The following SDHAF4 variants were observed in gnomAD, a reference collection of about 807,000 sequenced individuals.
The protein encoded by SDHAF4 is succinate dehydrogenase assembly factor 4, mitochondrial.
In SDHAF4, 14 loss-of-function variants were observed where a neutral mutation model predicts 14.3. The ratio of observed to expected loss-of-function variants is 0.98; its 90% CI spans 0.65 to 1.53. The LOEUF (loss-of-function observed/expected upper bound fraction) is 1.53. SDHAF4 is among the 40% of genes most tolerant of loss of function. The pLI, the probability that SDHAF4 is intolerant of heterozygous loss-of-function variation, is 0.00. For synonymous variants in SDHAF4, 63 were observed against 47.3 expected, an observed-to-expected ratio of 1.33 and a Z score of -1.36; for missense variants, 141 against 129.3, an observed-to-expected ratio of 1.09 and a Z score of -0.44.
At chr6:70,589,741 A>G (rs544312081), downstream of SDHAF4, among the ~76,000 whole-genome samples, 1 of 152,118 alleles carries the variant, frequency 6.6e-6, no homozygotes, top group Admixed American at 6.5e-5. Flanking sequence ...CTTACTACCT[A>G]TGTGACCTTG....
intron 2 of SDHAF4, among the ~76,000 whole-genome samples, chr6:70,582,515 A>G (rs956314270): frequency 2.3e-4 from 35 of 152,138 alleles, no homozygotes; most frequent in African/African-American, 8.4e-4. Context: ...TAATATTTCT[A>G]AAACTAAAGT....
At chr6:70,591,446 C>T (rs1190038273), downstream of SDHAF4, among the ~76,000 whole-genome samples, 1 of 149,976 alleles carries the variant, frequency 6.7e-6, no homozygotes, top group Admixed American at 6.7e-5. Context: ...ATTCTCCTGC[C>T]TCACCCTCCC....
At chr6:70,571,369 G>A (rs1423156851) in intron 1 of SDHAF4, among the ~76,000 whole-genome samples, 2 of 152,086 alleles carry the variant, frequency 1.3e-5, no homozygotes, top group Non-Finnish European at 2.9e-5. Flanking sequence ...AAATTGGCCT[G>A]TAATTTTCTT....
At chr6:70,594,033 A>C (rs1238319277), downstream of SDHAF4, among the ~76,000 whole-genome samples, 1 of 151,864 alleles carries the variant, frequency 6.6e-6, no homozygotes, top group African/African-American at 2.4e-5. Flanking sequence ...TGGGTTTCTG[A>C]CTTGTTAGGG....
intron 2 of SDHAF4, among the ~76,000 whole-genome samples, chr6:70,588,086 T>C (rs1325389982): frequency 2.0e-5 from 3 of 152,246 alleles, no homozygotes; most frequent in African/African-American, 7.2e-5. Context: ...GTAATCTTAT[T>C]TCAAGACCTT....
At chr6:70,580,904 G>A (rs1157381744) in intron 2 of SDHAF4, among the ~76,000 whole-genome samples, 1 of 152,046 alleles carries the variant, frequency 6.6e-6, no homozygotes, top group African/African-American at 2.4e-5. Flanking sequence ...TAGTGGTGAT[G>A]GTTGTACAAC....
At chr6:70,575,289 A>T (rs558796594) in intron 1 of SDHAF4, among the ~76,000 whole-genome samples, 2 of 152,216 alleles carry the variant, frequency 1.3e-5, no homozygotes, top group South Asian at 4.1e-4. Flanking sequence ...GAGGCACAAG[A>T]ATCACTTGAA....
At chr6:70,593,688 T>TGTG (rs202042891), downstream of SDHAF4, among the ~76,000 whole-genome samples, 61 of 151,664 alleles carry the variant, frequency 4.0e-4, no homozygotes, top group South Asian at 3.5e-3. Flanking sequence ...TCAAGGGTTT[T>TGTG]TTTTTGTGTG....
intron 2 of SDHAF4, 65 bp downstream of exon 2, chr6:70,579,631 A>G (rs1175909579): frequency 7.4e-7 from 1 of 1,355,602 alleles, no homozygotes; most frequent in Non-Finnish European, 9.8e-7. Context: ...TTATTGAGAA[A>G]ATGAGTGAAA....
intron 2 of SDHAF4, among the ~76,000 whole-genome samples, chr6:70,580,515 G>T (rs138608871): frequency 9.4e-4 from 143 of 152,290 alleles, no homozygotes; most frequent in African/African-American, 2.9e-3. Flanking sequence ...GACTTGAACA[G>T]ATATCTCTGT....
chr6:70,570,542 T>C (rs1297792741), intron 1 of SDHAF4, among the ~76,000 whole-genome samples: 1 of 152,106 alleles, frequency 6.6e-6, no homozygotes, highest in East Asian at 1.9e-4. Flanking sequence ...AAGTGATCCT[T>C]GAGAGCCTCG....
chr6:70,593,779 G>GC (rs34677975), downstream of SDHAF4, among the ~76,000 whole-genome samples: 61,868 of 151,748 alleles, frequency 0.41, 13,241 homozygotes, highest in African/African-American at 0.52. Context: ...TGCAACCTCT[G>GC]CTCCTGGGTT....
At chr6:70,590,206 C>G (rs1765246101), downstream of SDHAF4, among the ~76,000 whole-genome samples, 1 of 151,282 alleles carries the variant, frequency 6.6e-6, no homozygotes, top group African/African-American at 2.4e-5. Context: ...CCACTGCACT[C>G]CAGCCTGGGT....
intron 1 of SDHAF4, among the ~76,000 whole-genome samples, chr6:70,576,217 T>C (rs1310726616): frequency 6.6e-6 from 1 of 152,246 alleles, no homozygotes; most frequent in East Asian, 1.9e-4. Context: ...TACCTTGTAC[T>C]GTACAGAAAT....
intron 1 of SDHAF4, chr6:70,567,432 T>C (rs1397453377): frequency 1.2e-5 from 2 of 164,888 alleles, no homozygotes; most frequent in Non-Finnish European, 2.6e-5. Context: ...GCGCTCCTGG[T>C]CCAGGCTCCA....
chr6:70,575,199 G>A (rs1015970493), intron 1 of SDHAF4, among the ~76,000 whole-genome samples: 7 of 152,142 alleles, frequency 4.6e-5, no homozygotes, highest in East Asian at 1.9e-4. Flanking sequence ...CCAACATGGC[G>A]AAACCCTATC....
At chr6:70,572,315 TTTA>T (rs1802193360) in intron 1 of SDHAF4, among the ~76,000 whole-genome samples, 2 of 152,108 alleles carry the variant, frequency 1.3e-5, no homozygotes, top group African/African-American at 2.4e-5. Flanking sequence ...CCAACCTTTG[TTTA>T]TTGTTGATCT....
intron 2 of SDHAF4, among the ~76,000 whole-genome samples, chr6:70,585,834 G>GAA (rs1186577252): frequency 6.7e-6 from 1 of 148,776 alleles, no homozygotes; most frequent in African/African-American, 2.5e-5. Context: ...TTTTGCCTGA[G>GAA]GGGCTTTATG....
chr6:70,595,182 A>G, the SDHAF4 span, among the ~76,000 whole-genome samples: 1 of 152,188 alleles, frequency 6.6e-6, no homozygotes, highest in East Asian at 1.9e-4. Context: ...CCTTTGCTGC[A>G]TCTCCTCTGG....
Sources: allele counts gnomAD v4.1 joint callset (sites outside exome capture counted in the v4.1 genomes callset), GRCh38; gene constraint gnomAD v4.1.1; transcripts MANE v1.5; gene names NCBI Gene and HGNC (gene_info 2026-07-23, HGNC 2026-07-21).